SYN3: variants seen among roughly 807,000 people sequenced by gnomAD.
SYN3 encodes synapsin III.
Under a neutral mutation model 65.8 loss-of-function variants are expected in SYN3, and 35 were observed. The ratio of observed to expected loss-of-function variants is 0.53; its 90% confidence interval spans 0.41 to 0.70. SYN3 has a LOEUF of 0.70. SYN3 is among the 30% of genes least tolerant of loss of function. The pLI is 0.00. For missense variants in SYN3, 680 were observed against 749.0 expected, an observed-to-expected ratio of 0.91 and a Z score of 1.08; for synonymous variants, 270 against 292.9, an observed-to-expected ratio of 0.92 and a Z score of 0.80.
chr22:32,921,918 C>T lies in SYN3; in HGVS notation c.461+9472G>A, dbSNP rs559407265. 2.6e-5 allele frequency among the ~76,000 whole-genome samples: 4 copies of T among 152,238 alleles called. No individual in the cohort carries two copies. In the East Asian group the frequency reaches 7.7e-4, roughly 29 times the overall value. The stretch of plus-strand genomic sequence containing the variant: ...CACCGTGGCAAATCTGGGATGTCCA[C>T]CAAGGCAGCCTGCAGCCTGCTCCAG... On this transcript the variant is annotated intron_variant, in intron 4 of 13. Transcript: ENST00000358763.
In SYN3 at chr22:32,513,025, C is replaced by T. The variant is rs565855908; in HGVS notation, c.*667G>A. 3 of 152,184 alleles carry T rather than the reference C, an allele frequency of 2.0e-5. No individual in the cohort carries two copies. The South Asian group carries it at 6.2e-4, about 32-fold the overall frequency. 9.4% of individuals were successfully genotyped at this position (152,184 alleles called of 1,614,324 possible). On this transcript the variant is annotated 3_prime_UTR_variant, in exon 14 of 14. Coordinates refer to ENST00000358763, the MANE Select transcript of SYN3 (RefSeq NM_003490.4). ...CTGAGTATGAGTGGCATTACAAGGG[C>T]CCCCCTGTTTCTGTCGTGTTCTGAA... is the stretch of plus-strand genomic sequence containing the variant.
intron 6 of SYN3, among the ~76,000 whole-genome samples, chr22:32,846,969 C>T (rs946551659): frequency 3.3e-5 from 5 of 152,194 alleles, no homozygotes; most frequent in African/African-American, 9.7e-5. Context: ...TCCAGCAGTA[C>T]TCAGCTTTAT....
intron 13 of SYN3, among the ~76,000 whole-genome samples, chr22:32,516,775 T>C (rs1370441063): frequency 6.8e-6 from 1 of 146,948 alleles, no homozygotes; most frequent in Non-Finnish European, 1.5e-5. Flanking sequence ...GCTCTTCTAG[T>C]TATTAACTGG....
In SYN3 at chr22:32,635,982, C is replaced by T. The variant is rs138304841; in HGVS notation, c.712-39246G>A. Among the ~76,000 whole-genome samples the T allele has an allele frequency of 3.2e-4, 49 of 152,276 alleles. No individual in the cohort carries two copies. In the East Asian group the frequency reaches 6.7e-3, roughly 21 times the overall value. The stretch of plus-strand genomic sequence containing the variant: ...TTTTTTGAACTTGAAACTCTACATA[C>T]GTATTTTTTCCCTTAAGGTATCGAT... On this transcript the variant is annotated intron_variant, in intron 6 of 13. Coordinates refer to ENST00000358763, the MANE Select transcript of SYN3 (RefSeq NM_003490.4).
intron 6 of SYN3, chr22:32,862,869 C>T (rs3206624): frequency 1.3e-5 from 2 of 152,608 alleles, no homozygotes; most frequent in South Asian, 4.1e-4. Context: ...CGAACCCTGT[C>T]TAGAAGGAAT....
At chr22:32,740,543 C>T (rs980100460) in intron 6 of SYN3, among the ~76,000 whole-genome samples, 3 of 152,172 alleles carry the variant, frequency 2.0e-5, no homozygotes, top group Non-Finnish European at 4.4e-5. Context: ...GGATGCACAA[C>T]ATTTAAAAAC....
chr22:32,868,869 TACTG>T (rs2048760559), intron 5 of SYN3, 93 bp downstream of exon 5: 1 of 1,153,556 alleles, frequency 8.7e-7, no homozygotes, highest in Non-Finnish European at 1.2e-6. Flanking sequence ...GAATTTTTAC[TACTG>T]AGGCCTCCAT....
intron 1 of SYN3, among the ~76,000 whole-genome samples, chr22:33,022,448 A>G (rs2053576209): frequency 2.0e-5 from 3 of 152,136 alleles, no homozygotes; most frequent in Non-Finnish European, 4.4e-5. Context: ...TTTCTCACAC[A>G]CAGACCTGCT....
intron 6 of SYN3, among the ~76,000 whole-genome samples, chr22:32,760,166 A>C (rs1433053134): frequency 6.4e-4 from 11 of 17,216 alleles, no homozygotes; most frequent in African/African-American, 2.1e-3. Flanking sequence ...CTCACCCCCC[A>C]GCCAGCACCC....
chr22:32,586,075 TGTATAC>T (rs2059033889), intron 7 of SYN3, among the ~76,000 whole-genome samples: 9 of 140,866 alleles, frequency 6.4e-5, no homozygotes, highest in Admixed American at 2.2e-4. Flanking sequence ...TATGTATACA[TGTATAC>T]ATGTATATAT....
intron 6 of SYN3, among the ~76,000 whole-genome samples, chr22:32,605,264 G>A (rs2059356727): frequency 1.3e-5 from 2 of 152,130 alleles, no homozygotes; most frequent in Non-Finnish European, 2.9e-5. Flanking sequence ...TGGAAGGTTT[G>A]TTGGGGATGC....
intron 3 of SYN3, among the ~76,000 whole-genome samples, chr22:32,952,303 T>A (rs1243978418): frequency 6.7e-6 from 1 of 150,170 alleles, no homozygotes; most frequent in African/African-American, 2.5e-5. Context: ...TGGGGGGGTG[T>A]GTGTGTGTGT....
At chr22:32,552,431 CTTTT>C (rs1288129869) in intron 7 of SYN3, among the ~76,000 whole-genome samples, 2 of 126,128 alleles carry the variant, frequency 1.6e-5, no homozygotes, top group African/African-American at 3.0e-5. Context: ...TTTTTTTTTT[CTTTT>C]TTTTTTTTTT....
At chr22:33,018,569 T>C (rs532841349) in intron 1 of SYN3, among the ~76,000 whole-genome samples, 9 of 152,254 alleles carry the variant, frequency 5.9e-5, no homozygotes, top group Admixed American at 1.3e-4. Context: ...TGAAAGACTT[T>C]CCATACTTGA....
chr22:32,966,893 G>A (rs2146919373), intron 3 of SYN3, among the ~76,000 whole-genome samples: 1 of 152,282 alleles, frequency 6.6e-6, no homozygotes, highest in East Asian at 1.9e-4. Flanking sequence ...TCCAGCCTGT[G>A]TGACAGAGTG....
intron 6 of SYN3, among the ~76,000 whole-genome samples, chr22:32,645,715 C>G (rs547624626): frequency 2.6e-5 from 4 of 152,158 alleles, no homozygotes; most frequent in Admixed American, 1.3e-4. Context: ...GCTCCCTGCC[C>G]TCTGCTTTTG....
At chr22:32,976,973 A>G (rs1196154777) in intron 3 of SYN3, among the ~76,000 whole-genome samples, 1 of 148,608 alleles carries the variant, frequency 6.7e-6, no homozygotes, top group Non-Finnish European at 1.5e-5. Context: ...CCCAAGTGCT[A>G]AAGGATGCAT....
At chr22:32,529,329 C>T (rs559821358) in intron 10 of SYN3, among the ~76,000 whole-genome samples, 14 of 152,316 alleles carry the variant, frequency 9.2e-5, no homozygotes, top group Admixed American at 3.3e-4. Context: ...CCTTTCTCAC[C>T]CTGGCCCCCT....
chr22:32,519,217 A>G (rs1441994414), intron 12 of SYN3, among the ~76,000 whole-genome samples: 3 of 152,158 alleles, frequency 2.0e-5, no homozygotes, highest in Admixed American at 6.5e-5. Flanking sequence ...GCGATTCTGC[A>G]TTTCTAACGG....
Sources: gnomAD v4.1 joint callset for allele counts (sites outside exome capture counted in the v4.1 genomes callset) on GRCh38, gnomAD v4.1.1 for gene constraint, MANE v1.5 for transcripts, NCBI Gene and HGNC (gene_info 2026-07-23, HGNC 2026-07-21) for gene names.